The following ADGRD1 variants were observed in gnomAD, a reference collection of about 807,000 sequenced individuals.
The protein encoded by ADGRD1 is G-protein coupled receptor 133.
A neutral mutation model predicts 113.4 loss-of-function variants in ADGRD1; 77 were observed. That is an observed-to-expected ratio of 0.68 (90% CI 0.57 to 0.82). The LOEUF is 0.82. ADGRD1 is among the 40% of genes least tolerant of loss of function. The probability of loss-of-function intolerance (pLI) is 0.00; values close to 1 mark genes in which losing one functional copy is unlikely to be tolerated. For missense variants in ADGRD1, 1,036 were observed against 1,139.1 expected (o/e 0.91, Z 1.30); for synonymous variants, 474 against 475.0 (o/e 1.00, Z 0.03).
intron 15 of ADGRD1, among the ~76,000 whole-genome samples, chr12:131,102,387 C>T (rs1035294859): frequency 1.3e-5 from 2 of 152,224 alleles, no homozygotes; most frequent in African/African-American, 4.8e-5. Context: ...GCCAAACATA[C>T]TCGGCAGGTG....
At chr12:131,004,398 G>A in intron 11 of ADGRD1, 102 bp downstream of exon 11, 3 of 891,560 alleles carry the variant, frequency 3.4e-6, no homozygotes, top group Non-Finnish European at 5.4e-6. Flanking sequence ...GGGAGCTGCG[G>A]TGCTCCCCCG....
At chr12:131,046,199 TGCTC>T (rs1566061562) in intron 13 of ADGRD1, among the ~76,000 whole-genome samples, 1 of 107,492 alleles carries the variant, frequency 9.3e-6, no homozygotes. Context: ...CCCTGGTCAG[TGCTC>T]CCTCCCTGGT....
At chr12:131,039,135 AG>A (rs112800437) in intron 13 of ADGRD1, among the ~76,000 whole-genome samples, 3 of 152,104 alleles carry the variant, frequency 2.0e-5, no homozygotes, top group African/African-American at 7.2e-5. Context: ...GTGCTCCTCC[AG>A]GCCACTGCCC....
rs1318252185 is a variant in ADGRD1, at chr12:130,991,023, C to T, written c.755C>T (p.Ala252Val). Residue 252 changes from alanine to valine, a missense_variant, in exon 7 of 25, where the codon GCT becomes GTT. By Grantham distance (64) the Ala-to-Val change is moderately conservative. Coordinates refer to ENST00000261654, the MANE Select transcript of ADGRD1 (RefSeq NM_198827.5). ...GCATTGTTTCTTCCAGGAAAGCATG[C>T]TTTATTGTCTTCAACGCTGCCAAGC... Reference protein sequence around the residue: ...MYFTAAIGKHALLSSTLPSLF... With the variant: ...MYFTAAIGKHVLLSSTLPSLF... 6.2e-7 allele frequency: 1 copy of T among 1,613,980 alleles called. No homozygotes were observed. The highest frequency in any genetic ancestry group is 1.6e-4 in the Middle Eastern group (1 of 6,062).
rs1555238068 is a variant in ADGRD1, at chr12:130,984,326, G to C, written c.490+2263G>C. 1.3e-5 allele frequency among the ~76,000 whole-genome samples: 2 copies of C among 152,208 alleles called. No homozygotes were observed. The highest frequency in any genetic ancestry group is 1.9e-4 in the East Asian group (1 of 5,170). Reference sequence around the variant, plus strand: ...GTGAGTAGGGGCCACCTCGTGATGGGGCAGCCGCCCTTCCACGCACTGCAG... The same window carrying C: ...GTGAGTAGGGGCCACCTCGTGATGGCGCAGCCGCCCTTCCACGCACTGCAG... On this transcript the variant is annotated intron_variant, in intron 5 of 24. Transcript: ENST00000261654. The surrounding 1 kb of genome is among the most constrained non-coding windows in gnomAD (Gnocchi z 4.1).
chr12:131,140,991 G>A lies in ADGRD1; in HGVS notation c.*1728G>A, dbSNP rs1424722238. 1 of 152,268 alleles carries A rather than the reference G, an allele frequency of 6.6e-6. No individual in the cohort carries two copies. The highest frequency in any genetic ancestry group is 1.5e-5 in the Non-Finnish European group (1 of 68,064). The allele number at this position is 152,268 out of a possible 1,614,324, so 9.4% of individuals were successfully genotyped here. A position where few individuals can be genotyped will look rare whatever the true frequency, so the allele number is the denominator to read the frequency against. On this transcript the variant is annotated 3_prime_UTR_variant, in exon 25 of 25. Coordinates refer to ENST00000261654, the MANE Select transcript of ADGRD1 (RefSeq NM_198827.5). Reference sequence around the variant, plus strand: ...AGTATGGACTAAAGTCCCATGTTTAGCCACTGCCCCAGGCTCCCGTGACCC... The same window carrying A: ...AGTATGGACTAAAGTCCCATGTTTAACCACTGCCCCAGGCTCCCGTGACCC...
At chr12:131,032,534 C>T (rs1024367433) in intron 13 of ADGRD1, among the ~76,000 whole-genome samples, 1 of 152,204 alleles carries the variant, frequency 6.6e-6, no homozygotes, top group Non-Finnish European at 1.5e-5. Context: ...CTCTCGGCTG[C>T]CCTCTTAGGA....
intron 8 of ADGRD1, among the ~76,000 whole-genome samples, chr12:130,995,486 A>G (rs968319231): frequency 6.6e-6 from 1 of 152,134 alleles, no homozygotes; most frequent in Non-Finnish European, 1.5e-5. Context: ...AGAGGTTGCA[A>G]ACTCATGTGG....
chr12:131,126,100 A>G (rs1950732353), intron 20 of ADGRD1, among the ~76,000 whole-genome samples: 1 of 152,242 alleles, frequency 6.6e-6, no homozygotes, highest in African/African-American at 2.4e-5. Context: ...TGTGGTTTGA[A>G]TGTTTCCCTC....
At chr12:131,073,866 C>A (rs923341778) in intron 13 of ADGRD1, among the ~76,000 whole-genome samples, 1 of 152,180 alleles carries the variant, frequency 6.6e-6, no homozygotes, top group African/African-American at 2.4e-5. Flanking sequence ...AACTTACTCC[C>A]ATAACAGTGA....
At chr12:131,121,768 T>C (rs1354689041) in intron 20 of ADGRD1, among the ~76,000 whole-genome samples, 1 of 152,102 alleles carries the variant, frequency 6.6e-6, no homozygotes, top group Admixed American at 6.5e-5. Context: ...CTCCTGCACC[T>C]GCACTGGCAT....
chr12:130,971,559 C>T lies in ADGRD1; in HGVS notation c.289C>T (p.Pro97Ser). ...GRYNSSCISKPEQCGPEGVTF... is the reference protein window; with the variant it reads ...GRYNSSCISKSEQCGPEGVTF... ...GTACAACAGCTCCTGCATCAGCAAG[C>T]CAGAGCAGTGTGGCCCTGAAGGTGA... The change falls in exon 4 of 25, where the codon CCA (proline) becomes TCA (serine). Residue 97 changes from proline (P) to serine (S), a missense_variant. Transcript: ENST00000261654. This position sits in a 1 kb window ranked among gnomAD's most constrained non-coding sequence, Gnocchi z 4.2. The T allele has an allele frequency of 6.2e-7, 1 of 1,612,624 alleles. No individual in the cohort carries two copies. Among genetic ancestry groups the T allele is most frequent in the Middle Eastern group, 1.7e-4 (1 of 6,008 alleles).
At chr12:131,115,363 C>T (rs903480461) in intron 18 of ADGRD1, among the ~76,000 whole-genome samples, 2 of 152,140 alleles carry the variant, frequency 1.3e-5, no homozygotes, top group South Asian at 2.1e-4. Context: ...GAACCAGCCC[C>T]GTGGCCTCAA....
chr12:131,032,112 CCAAGTGT>C (rs1044696062), intron 13 of ADGRD1, among the ~76,000 whole-genome samples: 2 of 152,204 alleles, frequency 1.3e-5, no homozygotes, highest in African/African-American at 4.8e-5. Flanking sequence ...ATGTCCTTCT[CCAAGTGT>C]CAGGCACCAG....
chr12:131,111,642 C>A (rs981289716), intron 18 of ADGRD1, among the ~76,000 whole-genome samples: 22 of 151,552 alleles, frequency 1.5e-4, no homozygotes, highest in African/African-American at 5.3e-4. Flanking sequence ...CTTCAAATTG[C>A]GTAATCTTTC....
chr12:131,082,931 CT>C (rs556015954), intron 14 of ADGRD1, among the ~76,000 whole-genome samples: 21 of 152,346 alleles, frequency 1.4e-4, no homozygotes, highest in East Asian at 9.7e-4. Flanking sequence ...AGAGCCACCC[CT>C]GGGTCATGTC....
At chr12:131,064,580 T>G (rs1396646505) in intron 13 of ADGRD1, among the ~76,000 whole-genome samples, 1 of 152,248 alleles carries the variant, frequency 6.6e-6, no homozygotes, top group Non-Finnish European at 1.5e-5. Context: ...ATCTTTTGCT[T>G]CATGGGCCAT....
chr12:130,979,019 C>T (rs1872655069), intron 4 of ADGRD1, among the ~76,000 whole-genome samples: 1 of 152,136 alleles, frequency 6.6e-6, no homozygotes, highest in South Asian at 2.1e-4. Context: ...GGCTTCTGTA[C>T]CCCTCAGCGC....
At chr12:131,005,222 G>T (rs1395742723) in intron 11 of ADGRD1, among the ~76,000 whole-genome samples, 1 of 152,148 alleles carries the variant, frequency 6.6e-6, no homozygotes, top group Non-Finnish European at 1.5e-5. Context: ...CAGAGGCAGG[G>T]ATGTCCCTAC....
Sources: gnomAD v4.1 joint callset for allele counts (sites outside exome capture counted in the v4.1 genomes callset) on GRCh38, gnomAD v4.1.1 for gene constraint, Gnocchi (gnomAD v3.1) non-coding constraint, MANE v1.5 for transcripts, NCBI Gene and HGNC (gene_info 2026-07-23, HGNC 2026-07-21) for gene names.